The following CUX1 variants were observed in gnomAD, a reference collection of about 807,000 sequenced individuals.
The protein encoded by CUX1 is cut like homeobox 1.
In CUX1, 31 loss-of-function variants were observed where a neutral mutation model predicts 158.8. The ratio of observed to expected loss-of-function variants is 0.20; its 90% CI spans 0.15 to 0.26. The LOEUF (loss-of-function observed/expected upper bound fraction) is 0.26, where lower values mean the gene tolerates loss of function less well. CUX1 is among the 10% of genes least tolerant of loss of function. The pLI, the probability that CUX1 is intolerant of heterozygous loss-of-function variation, is 1.00. For missense variants in CUX1, 1,589 were observed against 2,014.6 expected, an observed-to-expected ratio of 0.79 and a Z score of 4.04; for synonymous variants, 879 against 862.1, an observed-to-expected ratio of 1.02 and a Z score of -0.34.
intron 22 of CUX1, among the ~76,000 whole-genome samples, chr7:102,235,563 A>G (rs1295619893): frequency 6.6e-5 from 10 of 152,048 alleles, no homozygotes; most frequent in African/African-American, 1.2e-4. Context: ...TCAGCCAGGC[A>G]TGGTGGCGCA....
At chr7:102,279,866 C>T (rs1222835493) in intron 18 of CUX1, among the ~76,000 whole-genome samples, 1 of 152,226 alleles carries the variant, frequency 6.6e-6, no homozygotes, top group Non-Finnish European at 1.5e-5. Flanking sequence ...GAGGCACCAG[C>T]CACATTCACA....
At chr7:102,119,978 C>T (rs540073602) in intron 8 of CUX1, among the ~76,000 whole-genome samples, 50 of 152,298 alleles carry the variant, frequency 3.3e-4, no homozygotes, top group African/African-American at 1.1e-3. Context: ...AGCAAAGGAA[C>T]GTGCTGTGGA....
intron 1 of CUX1, among the ~76,000 whole-genome samples, chr7:101,903,782 A>T (rs965520431): frequency 6.6e-6 from 1 of 152,094 alleles, no homozygotes; most frequent in Non-Finnish European, 1.5e-5. Flanking sequence ...CTTGTTGGAT[A>T]CATCTGGCAT....
chr7:102,167,282 AAAAG>A (rs1228281091), intron 9 of CUX1, among the ~76,000 whole-genome samples: 1 of 151,216 alleles, frequency 6.6e-6, no homozygotes, highest in Non-Finnish European at 1.5e-5. Context: ...AAAAAAAAAG[AAAAG>A]AAAAGAAAAA....
chr7:102,120,456 A>G (rs1249131401), intron 8 of CUX1, among the ~76,000 whole-genome samples: 5 of 152,236 alleles, frequency 3.3e-5, no homozygotes, highest in African/African-American at 9.6e-5. Flanking sequence ...CTTTCCTGCC[A>G]GTAAAATTCG....
intron 8 of CUX1, among the ~76,000 whole-genome samples, chr7:102,125,218 C>G (rs2131241770): frequency 1.3e-5 from 2 of 152,294 alleles, no homozygotes; most frequent in South Asian, 4.1e-4. Context: ...GTCAGGGTTA[C>G]CGCAGAGCTG....
chr7:102,076,863 G>C (rs540674551), intron 4 of CUX1, among the ~76,000 whole-genome samples: 1 of 151,222 alleles, frequency 6.6e-6, no homozygotes, highest in African/African-American at 2.4e-5. Context: ...GTAAAACCCC[G>C]TCTCTACAAA....
At position 102,053,676 on chromosome 7, in the gene CUX1, T is replaced by C. The variant is rs543587033; in HGVS notation, c.190-16663T>C. ...TTTTTATGTTTATATCCCACAAATATGTCAGAATATGAGATGTTTGTCTTT... is the reference window on the plus strand; with the variant it reads ...TTTTTATGTTTATATCCCACAAATACGTCAGAATATGAGATGTTTGTCTTT... On this transcript the variant is annotated intron_variant, in intron 3 of 23. Coordinates refer to ENST00000292535, the MANE Select transcript of CUX1 (RefSeq NM_181552.4). Among the ~76,000 whole-genome samples, 67 of 152,256 alleles carry C rather than the reference T, an allele frequency of 4.4e-4. 1 individual carries two copies. The highest frequency in any genetic ancestry group is 8.8e-4 in the Non-Finnish European group (60 of 68,014).
At chr7:101,889,901 C>T (rs965341792) in intron 1 of CUX1, among the ~76,000 whole-genome samples, 7 of 152,228 alleles carry the variant, frequency 4.6e-5, no homozygotes, top group African/African-American at 1.4e-4. Context: ...TTGAAACTCT[C>T]TCGCGATCCC....
Position 102,125,804 on chromosome 7 carries a change from C to G in CUX1, c.674+10531C>G, listed in dbSNP as rs1274563897. The G allele has an allele frequency of 8.0e-5, 12 of 150,090 alleles. No individual in the cohort carries two copies. In the East Asian group the frequency reaches 1.9e-3, roughly 24 times the overall value. The allele number at this position is 150,090 out of a possible 1,614,324, so 9.3% of individuals were successfully genotyped here. ...TTTTGTCATGCAGTCTCAGCCAGTCCTGCTGTTTTTATTTTATTTTATTTT... is the reference window on the plus strand; with the variant it reads ...TTTTGTCATGCAGTCTCAGCCAGTCGTGCTGTTTTTATTTTATTTTATTTT... On this transcript the variant is annotated intron_variant, in intron 8 of 23. Coordinates refer to ENST00000292535, the MANE Select transcript of CUX1 (RefSeq NM_181552.4).
At chr7:101,835,769 G>T (rs961392894) in intron 1 of CUX1, among the ~76,000 whole-genome samples, 1 of 152,136 alleles carries the variant, frequency 6.6e-6, no homozygotes, top group Non-Finnish European at 1.5e-5. Flanking sequence ...GAGTTTCACT[G>T]TTGTTGCCCA....
chr7:102,120,966 G>A (rs1341420617), intron 8 of CUX1, among the ~76,000 whole-genome samples: 1 of 152,190 alleles, frequency 6.6e-6, no homozygotes, highest in African/African-American at 2.4e-5. Flanking sequence ...GGGAGGCTGA[G>A]TTGGAAGGTT....
chr7:102,002,985 T>C (rs1020195794), intron 2 of CUX1, among the ~76,000 whole-genome samples: 2 of 152,040 alleles, frequency 1.3e-5, no homozygotes, highest in Admixed American at 6.6e-5. Flanking sequence ...CACTGCAACC[T>C]CCACCTCCTG....
chr7:102,070,244 T>C, intron 3 of CUX1, 95 bp from the exon 4 acceptor site: 2 of 1,044,270 alleles, frequency 1.9e-6, no homozygotes, highest in East Asian at 2.4e-5. Context: ...TCTCCCTTGC[T>C]ACGGGAATTC....
At chr7:101,823,350 C>T (rs568533908) in intron 1 of CUX1, among the ~76,000 whole-genome samples, 13 of 152,176 alleles carry the variant, frequency 8.5e-5, no homozygotes, top group African/African-American at 1.2e-4. Context: ...ACTAGCCAGC[C>T]GGGAGTTTCC....
chr7:102,102,517 C>A (rs186987417), intron 5 of CUX1, among the ~76,000 whole-genome samples: 1 of 151,586 alleles, frequency 6.6e-6, no homozygotes, highest in East Asian at 1.9e-4. Context: ...CTCTGGCCAG[C>A]GCATGTCCGT....
At chr7:101,817,059 A>G, upstream of CUX1, 3 of 983,626 alleles carry the variant, frequency 3.0e-6, no homozygotes, top group Non-Finnish European at 3.6e-6. The surrounding 1 kb of genome is among the most constrained non-coding windows in gnomAD (Gnocchi z 4.1). Context: ...TCTTTGGGGA[A>G]ACTTGGCGAG....
intron 18 of CUX1, among the ~76,000 whole-genome samples, chr7:102,279,510 G>T (rs577843388): frequency 1.9e-4 from 29 of 152,220 alleles, no homozygotes; most frequent in Middle Eastern, 3.4e-3. Context: ...CCCGTGCCAG[G>T]AAACCCTTTC....
chr7:102,128,205 C>T (rs941689386), intron 8 of CUX1, among the ~76,000 whole-genome samples: 7 of 152,340 alleles, frequency 4.6e-5, no homozygotes, highest in Admixed American at 4.6e-4. Context: ...GCCCAGAATT[C>T]TCCAAGGGCT....
Sources: allele counts gnomAD v4.1 joint callset (sites outside exome capture counted in the v4.1 genomes callset), GRCh38; gene constraint gnomAD v4.1.1; non-coding constraint Gnocchi (gnomAD v3.1); transcripts MANE v1.5; gene names NCBI Gene and HGNC (gene_info 2026-07-23, HGNC 2026-07-21).